Variants in SAP130 observed in about 807,000 individuals in gnomAD.
The protein encoded by SAP130 is histone deacetylase complex subunit SAP130.
A neutral mutation model predicts 103.2 loss-of-function variants in SAP130; 16 were observed. That is an observed-to-expected ratio of 0.16 (90% CI 0.10 to 0.24). The LOEUF (loss-of-function observed/expected upper bound fraction) is 0.24, where lower values mean the gene tolerates loss of function less well. Ranked by LOEUF, SAP130 falls within the 10% of genes least tolerant of loss-of-function variation. The pLI, the probability that SAP130 is intolerant of heterozygous loss-of-function variation, is 1.00. For missense variants in SAP130, 990 were observed against 1,359.7 expected (o/e 0.73, Z 4.28); for synonymous variants, 477 against 497.0 (o/e 0.96, Z 0.53).
At chr2:127,963,867 A>C (rs564045325) in intron 15 of SAP130, among the ~76,000 whole-genome samples, 2 of 152,294 alleles carry the variant, frequency 1.3e-5, no homozygotes, top group African/African-American at 2.4e-5. Flanking sequence ...CAGCCACATA[A>C]ATTTATGCAT....
intron 15 of SAP130, among the ~76,000 whole-genome samples, chr2:127,961,094 A>ATCC (rs1341336054): frequency 6.6e-6 from 1 of 151,058 alleles, no homozygotes; most frequent in African/African-American, 2.4e-5. Flanking sequence ...GACTCAAGCA[A>ATCC]TCCTCCCACC....
At position 128,014,094 on chromosome 2, in the gene SAP130, T is replaced by C. The variant is rs72841728; in HGVS notation, c.619+709A>G. On this transcript the variant is annotated intron_variant, in intron 5 of 20. Transcript: ENST00000643581. Reference sequence around the variant, plus strand: ...AAAGCTTGGGCAGTTCCTCAATATATAGGACAATTTTAGACCATATTAAAC... The same window carrying C: ...AAAGCTTGGGCAGTTCCTCAATATACAGGACAATTTTAGACCATATTAAAC... Among the ~76,000 whole-genome samples the C allele has an allele frequency of 8.8e-3, 1,344 of 152,306 alleles. 14 individuals carry two copies. The highest frequency in any genetic ancestry group is 0.017 in the South Asian group (84 of 4,828).
At chr2:128,027,113 C>T (rs967354935) in intron 1 of SAP130, 4 of 1,408,538 alleles carry the variant, frequency 2.8e-6, no homozygotes, top group Admixed American at 4.9e-5. Context: ...GCCCGCCGCC[C>T]GCACCGCCCG....
At chr2:127,947,029 G>A (rs942814780) in intron 18 of SAP130, among the ~76,000 whole-genome samples, 1 of 150,564 alleles carries the variant, frequency 6.6e-6, no homozygotes, top group African/African-American at 2.4e-5. Context: ...GAGAGAAGGA[G>A]AGAGAGAGAG....
intron 18 of SAP130, among the ~76,000 whole-genome samples, chr2:127,948,843 CGA>C (rs1679304628): frequency 6.6e-6 from 1 of 152,084 alleles, no homozygotes; most frequent in Non-Finnish European, 1.5e-5. Context: ...TTTTGAAGAG[CGA>C]GTCCCAATAA....
At position 127,989,567 on chromosome 2, in the gene SAP130, A is replaced by C; in HGVS notation, c.1777T>G (p.Ser593Ala). The change falls in exon 13 of 21, where the codon TCA becomes GCA. Residue 593 changes from serine to alanine, a missense_variant. Ser to Ala is a moderately conservative substitution (Grantham distance 99). Coordinates refer to ENST00000643581, the MANE Select transcript of SAP130 (RefSeq NM_001330301.2). This position sits in a 1 kb window ranked among gnomAD's most constrained non-coding sequence, Gnocchi z 4.6. ...TQQPQPEGKT[S>A]AVVLADGATI... ...CTATGCAAAAATTTAAAATTACCTG[A>C]AGTCTTTCCTTCAGGCTGAGGCTGC... The C allele has an allele frequency of 6.3e-6, 10 of 1,598,066 alleles. No homozygotes were observed. The highest frequency in any genetic ancestry group is 8.5e-6 in the Non-Finnish European group (10 of 1,170,264).
intron 7 of SAP130, among the ~76,000 whole-genome samples, chr2:128,007,833 G>A (rs1684078319): frequency 6.6e-6 from 1 of 152,056 alleles, no homozygotes; most frequent in Non-Finnish European, 1.5e-5. Context: ...GGCTTTCATT[G>A]TGGCCCACAC....
intron 2 of SAP130, among the ~76,000 whole-genome samples, chr2:128,023,225 C>T (rs1052988222): frequency 1.3e-5 from 2 of 152,118 alleles, no homozygotes; most frequent in Non-Finnish European, 2.9e-5. Context: ...AACTCCTGGC[C>T]TCAGGTGATC....
In SAP130 at chr2:127,945,642, T is replaced by C. The variant is rs1679025234; in HGVS notation, c.2798-83A>G. 6 of 821,456 alleles carry C rather than the reference T, an allele frequency of 7.3e-6. No individual in the cohort carries two copies. The Admixed American group carries it at 8.8e-5, about 12-fold the overall frequency. 50.9% of individuals were successfully genotyped at this position (821,456 alleles called of 1,614,324 possible). A position where few individuals can be genotyped will look rare whatever the true frequency, so the allele number is the denominator to read the frequency against. On this transcript the variant is annotated intron_variant, in intron 18 of 20. Transcript: ENST00000643581. ...TGTGTTCGAGCAGTGTAAATGCCAT[T>C]ATTTTAACAAGAATTTTATTTTTTT...
chr2:128,026,805 A>C (rs984902059), intron 1 of SAP130, among the ~76,000 whole-genome samples: 1 of 152,238 alleles, frequency 6.6e-6, no homozygotes, highest in Non-Finnish European at 1.5e-5. Flanking sequence ...TTTTCGGCAA[A>C]GGCCTCCATT....
In SAP130 at chr2:127,942,189, C is replaced by T. The variant is rs1322626118; in HGVS notation, c.3016-25G>A. 6.4e-7 allele frequency: 1 copy of T among 1,568,772 alleles called. No individual in the cohort carries two copies. The highest frequency in any genetic ancestry group is 1.2e-5 in the South Asian group (1 of 83,818). ...CCTGAAACAGAAGACATTGCATCAT[C>T]AATCAGTGACCATGAGGATAGTACA... On this transcript the variant is annotated intron_variant, in intron 20 of 20. Coordinates refer to ENST00000643581, the MANE Select transcript of SAP130 (RefSeq NM_001330301.2). This position sits in a 1 kb window ranked among gnomAD's most constrained non-coding sequence, Gnocchi z 4.8.
intron 15 of SAP130, among the ~76,000 whole-genome samples, chr2:127,968,807 C>T (rs931878863): frequency 2.6e-5 from 4 of 152,076 alleles, no homozygotes; most frequent in African/African-American, 9.7e-5. Context: ...GCACTGTGCC[C>T]AGCCTGACAA....
At chr2:128,014,127 T>C (rs932332701) in intron 5 of SAP130, among the ~76,000 whole-genome samples, 3 of 152,234 alleles carry the variant, frequency 2.0e-5, no homozygotes, top group African/African-American at 7.2e-5. Flanking sequence ...AACACTTTAA[T>C]TGCATAAATA....
chr2:127,947,702 C>A (rs1463415809), intron 18 of SAP130, among the ~76,000 whole-genome samples: 3 of 151,462 alleles, frequency 2.0e-5, no homozygotes, highest in Non-Finnish European at 2.9e-5. Flanking sequence ...ATTAATATAG[C>A]CACTCCTGCT....
At position 127,996,564 on chromosome 2, in the gene SAP130, C is replaced by T. The variant is rs1683189759; in HGVS notation, c.1214-73G>A. 1 of 1,329,080 alleles carries T rather than the reference C, an allele frequency of 7.5e-7. No individual in the cohort carries two copies. Among genetic ancestry groups the T allele is most frequent in the Non-Finnish European group, 1.0e-6 (1 of 1,004,490 alleles). The allele number at this position is 1,329,080 out of a possible 1,614,324, so 82.3% of individuals were successfully genotyped here. A position where few individuals can be genotyped will look rare whatever the true frequency, so the allele number is the denominator to read the frequency against. ...GGCATGCCAAAACATTCTTGGCTAGCAGCAATCTTAGGAAAGCAAACAATT... is the reference window on the plus strand; with the variant it reads ...GGCATGCCAAAACATTCTTGGCTAGTAGCAATCTTAGGAAAGCAAACAATT... On this transcript the variant is annotated intron_variant, in intron 10 of 20. Transcript: ENST00000643581. This position sits in a 1 kb window ranked among gnomAD's most constrained non-coding sequence, Gnocchi z 4.3.
chr2:128,004,769 C>T (rs928207763), intron 7 of SAP130, among the ~76,000 whole-genome samples: 45 of 152,140 alleles, frequency 3.0e-4, no homozygotes, highest in African/African-American at 1.0e-3. Flanking sequence ...GGAAGAGAGG[C>T]TTTGCCATTT....
chr2:127,990,959 A>C (rs1426019181), intron 12 of SAP130, among the ~76,000 whole-genome samples: 1 of 144,824 alleles, frequency 6.9e-6, no homozygotes, highest in Non-Finnish European at 1.5e-5. Flanking sequence ...AAAAAAAAGT[A>C]AAAGAAACAG....
At chr2:127,944,534 A>G (rs1185363777) in intron 19 of SAP130, among the ~76,000 whole-genome samples, 1 of 151,730 alleles carries the variant, frequency 6.6e-6, no homozygotes, top group Non-Finnish European at 1.5e-5. Context: ...GTTTCAAGCA[A>G]TTCTCCTACC....
intron 16 of SAP130, among the ~76,000 whole-genome samples, chr2:127,952,237 G>A (rs1679542252): frequency 6.6e-6 from 1 of 152,060 alleles, no homozygotes; most frequent in African/African-American, 2.4e-5. Flanking sequence ...CAGATCATAA[G>A]ATCAGGAGTT....
Sources: allele counts gnomAD v4.1 joint callset (sites outside exome capture counted in the v4.1 genomes callset), GRCh38; gene constraint gnomAD v4.1.1; non-coding constraint Gnocchi (gnomAD v3.1); transcripts MANE v1.5; gene names NCBI Gene and HGNC (gene_info 2026-07-23, HGNC 2026-07-21).